The following PIBF1 variants were observed in gnomAD, a reference collection of about 807,000 sequenced individuals.
PIBF1 encodes progesterone immunomodulatory binding factor 1.
In PIBF1, 90 loss-of-function variants were observed where a neutral mutation model predicts 112.5. That is an observed-to-expected ratio of 0.80 (90% confidence interval 0.67 to 0.95). PIBF1 has a LOEUF of 0.95. Ranked by LOEUF, PIBF1 falls within the 40% of genes least tolerant of loss-of-function variation. The probability of loss-of-function intolerance (pLI) is 0.00; values close to 1 mark genes in which losing one functional copy is unlikely to be tolerated. For synonymous variants in PIBF1, 301 were observed against 288.6 expected (o/e 1.04, Z -0.44); for missense variants, 915 against 852.3 (o/e 1.07, Z -0.92).
At chr13:72,854,204 TG>T in intron 10 of PIBF1, 49 bp downstream of exon 10, 1 of 1,159,744 alleles carries the variant, frequency 8.6e-7, no homozygotes, top group Non-Finnish European at 1.3e-6. Context: ...TTATTGTTTC[TG>T]TTACATATTC....
chr13:72,968,042 G>A (rs923894682), intron 15 of PIBF1, among the ~76,000 whole-genome samples: 4 of 151,698 alleles, frequency 2.6e-5, no homozygotes, highest in African/African-American at 9.7e-5. Flanking sequence ...AAATTAGCCG[G>A]GCGTAGTGGC....
intron 14 of PIBF1, among the ~76,000 whole-genome samples, chr13:72,937,634 A>G (rs2041905331): frequency 6.6e-6 from 1 of 152,156 alleles, no homozygotes; most frequent in Non-Finnish European, 1.5e-5. Flanking sequence ...AGCCTGGCCA[A>G]CATGGCAAAA....
chr13:72,797,034 T>C (rs1300505952), intron 4 of PIBF1, among the ~76,000 whole-genome samples: 2 of 152,178 alleles, frequency 1.3e-5, no homozygotes, highest in East Asian at 1.9e-4. Context: ...CTTAGTTTTA[T>C]GGGACCTTGT....
intron 16 of PIBF1, among the ~76,000 whole-genome samples, chr13:72,994,123 G>A (rs9543191): frequency 1.8e-4 from 27 of 150,046 alleles, no homozygotes; most frequent in African/African-American, 3.9e-4. Context: ...AAAAAAAAAA[G>A]AAAAAAAAAG....
intron 13 of PIBF1, among the ~76,000 whole-genome samples, chr13:72,924,204 A>G (rs921759924): frequency 6.6e-6 from 1 of 152,218 alleles, no homozygotes; most frequent in Admixed American, 6.5e-5. Flanking sequence ...GAGGTTGAAT[A>G]TAGAAGTGGT....
At chr13:72,963,550 C>T (rs1048898442) in intron 14 of PIBF1, among the ~76,000 whole-genome samples, 1 of 152,064 alleles carries the variant, frequency 6.6e-6, no homozygotes, top group East Asian at 1.9e-4. Context: ...GCTGAGATCG[C>T]ACCACTGCAC....
intron 16 of PIBF1, among the ~76,000 whole-genome samples, chr13:72,997,977 C>G (rs2043735227): frequency 6.6e-6 from 1 of 152,110 alleles, no homozygotes; most frequent in Admixed American, 6.6e-5. Flanking sequence ...TCAAAAAGTT[C>G]ATCACAATTA....
chr13:73,015,084 C>G (rs1255400895), intron 17 of PIBF1, among the ~76,000 whole-genome samples: 1 of 152,190 alleles, frequency 6.6e-6, no homozygotes, highest in Admixed American at 6.5e-5. Flanking sequence ...CCGCGCCCAT[C>G]GTCAAGTGAT....
intron 10 of PIBF1, among the ~76,000 whole-genome samples, chr13:72,878,389 A>G (rs1490975423): frequency 6.6e-6 from 1 of 152,048 alleles, no homozygotes; most frequent in Non-Finnish European, 1.5e-5. Flanking sequence ...TTCTTCTTTG[A>G]TGTATGTGTC....
intron 3 of PIBF1, among the ~76,000 whole-genome samples, chr13:72,793,674 C>T (rs967948403): frequency 6.6e-6 from 1 of 152,062 alleles, no homozygotes; most frequent in East Asian, 1.9e-4. Flanking sequence ...AGCTGATGGT[C>T]ATAAAAAATG....
chr13:72,938,329 C>T (rs1481212137), intron 14 of PIBF1, among the ~76,000 whole-genome samples: 1 of 152,078 alleles, frequency 6.6e-6, no homozygotes, highest in African/African-American at 2.4e-5. Context: ...GGGAAGGAAA[C>T]CCTGTACCCA....
chr13:72,993,763 G>A (rs926607827), intron 16 of PIBF1, among the ~76,000 whole-genome samples: 57 of 133,216 alleles, frequency 4.3e-4, no homozygotes, highest in African/African-American at 1.2e-3. Flanking sequence ...AAAAAAAAAA[G>A]AATCAGGATG....
intron 10 of PIBF1, among the ~76,000 whole-genome samples, chr13:72,878,862 C>G (rs1043417520): frequency 6.6e-6 from 1 of 152,048 alleles, no homozygotes; most frequent in Non-Finnish European, 1.5e-5. Flanking sequence ...CATGTAGTGC[C>G]CCTCTTTATC....
chr13:72,844,221 C>A (rs1180934997), intron 9 of PIBF1, among the ~76,000 whole-genome samples: 1 of 152,202 alleles, frequency 6.6e-6, no homozygotes, highest in Non-Finnish European at 1.5e-5. Context: ...AAACTAGATA[C>A]ATCTGACTCT....
intron 14 of PIBF1, among the ~76,000 whole-genome samples, chr13:72,938,135 T>C (rs2041921252): frequency 6.6e-6 from 1 of 152,234 alleles, no homozygotes; most frequent in Non-Finnish European, 1.5e-5. Context: ...CTCACAGATA[T>C]GGAATAAGGC....
At chr13:72,835,163 G>A in intron 8 of PIBF1, 80 bp from the exon 9 acceptor site, 1 of 923,358 alleles carries the variant, frequency 1.1e-6, no homozygotes. Context: ...TTGATAAAAG[G>A]TATTAAAATC....
At chr13:72,968,846 A>G (rs1007226084) in intron 15 of PIBF1, among the ~76,000 whole-genome samples, 9 of 151,972 alleles carry the variant, frequency 5.9e-5, no homozygotes, top group African/African-American at 1.9e-4. Context: ...CCTGGACAAC[A>G]TGGCAAAACC....
chr13:72,806,891 C>T (rs2035761004), intron 5 of PIBF1, among the ~76,000 whole-genome samples: 1 of 151,762 alleles, frequency 6.6e-6, no homozygotes, highest in Admixed American at 6.6e-5. Context: ...AATGGAATTG[C>T]TGGGTCAGAT....
intron 14 of PIBF1, among the ~76,000 whole-genome samples, chr13:72,950,774 C>T (rs2042273065): frequency 6.6e-6 from 1 of 152,108 alleles, no homozygotes; most frequent in South Asian, 2.1e-4. Flanking sequence ...AATTCCTGCC[C>T]TTTGGTGCTC....
Sources: gnomAD v4.1 joint callset for allele counts (sites outside exome capture counted in the v4.1 genomes callset) on GRCh38, gnomAD v4.1.1 for gene constraint, MANE v1.5 for transcripts, NCBI Gene and HGNC (gene_info 2026-07-23, HGNC 2026-07-21) for gene names.